Variants in GAREM1 observed in about 807,000 individuals in gnomAD.
GAREM1 encodes the protein GRB2-associated and regulator of MAPK protein 1.
A neutral mutation model predicts 71.3 loss-of-function variants in GAREM1; 26 were observed. The ratio of observed to expected loss-of-function variants is 0.36; its 90% CI spans 0.27 to 0.51. GAREM1 has a LOEUF of 0.51. GAREM1 is among the 20% of genes least tolerant of loss of function. GAREM1 has a pLI of 0.95. For missense variants in GAREM1, 1,026 were observed against 1,103.1 expected (o/e 0.93, Z 0.99); for synonymous variants, 440 against 433.2 (o/e 1.02, Z -0.20).
intron 1 of GAREM1, chr18:32,412,075 T>G (rs2048425118): frequency 1.4e-6 from 1 of 709,468 alleles, no homozygotes; most frequent in Non-Finnish European, 2.5e-6. Context: ...TACACATGAG[T>G]ATTTGTCTAA....
chr18:32,345,658 T>C (rs1015410148), intron 2 of GAREM1, among the ~76,000 whole-genome samples: 1 of 152,208 alleles, frequency 6.6e-6, no homozygotes, highest in East Asian at 1.9e-4. Flanking sequence ...CTTATTTGAC[T>C]CTTAGAATGA....
intron 2 of GAREM1, among the ~76,000 whole-genome samples, chr18:32,332,464 T>C (rs999174646): frequency 1.3e-5 from 2 of 152,088 alleles, no homozygotes; most frequent in Non-Finnish European, 2.9e-5. Flanking sequence ...AGTTAAGTGC[T>C]ACGGAAGGGT....
chr18:32,333,250 G>A (rs914956113), intron 2 of GAREM1, among the ~76,000 whole-genome samples: 1 of 151,928 alleles, frequency 6.6e-6, no homozygotes, highest in Non-Finnish European at 1.5e-5. Flanking sequence ...GAGTGGAGAG[G>A]GGGAGGGGGA....
intron 1 of GAREM1, among the ~76,000 whole-genome samples, chr18:32,469,857 G>A (rs1375807805): frequency 6.6e-6 from 1 of 152,150 alleles, no homozygotes; most frequent in Non-Finnish European, 1.5e-5. Context: ...TCACCCAGGA[G>A]CTTTTCCTTT....
intron 1 of GAREM1, among the ~76,000 whole-genome samples, chr18:32,465,608 T>C (rs567156837): frequency 7.4e-4 from 113 of 152,308 alleles, no homozygotes; most frequent in African/African-American, 2.7e-3. Flanking sequence ...CATGCAGCCT[T>C]GGTCTTCCTT....
chr18:32,316,238 T>C (rs1010878333), intron 2 of GAREM1, among the ~76,000 whole-genome samples: 4 of 152,228 alleles, frequency 2.6e-5, no homozygotes, highest in Non-Finnish European at 5.9e-5. Context: ...CTACAACTGT[T>C]AACATTTATG....
intron 2 of GAREM1, among the ~76,000 whole-genome samples, chr18:32,367,947 G>A (rs986473992): frequency 1.1e-4 from 16 of 152,098 alleles, no homozygotes; most frequent in African/African-American, 1.2e-4. Flanking sequence ...TGTTTGAGAC[G>A]TTCACTCCTA....
intron 2 of GAREM1, among the ~76,000 whole-genome samples, chr18:32,348,721 C>T (rs1385686581): frequency 6.6e-6 from 1 of 152,104 alleles, no homozygotes; most frequent in Non-Finnish European, 1.5e-5. Flanking sequence ...AATGAGACTC[C>T]ATCTCTAAAT....
chr18:32,422,179 C>A (rs938944987), intron 1 of GAREM1, among the ~76,000 whole-genome samples: 1 of 152,066 alleles, frequency 6.6e-6, no homozygotes, highest in African/African-American at 2.4e-5. Flanking sequence ...GTGATGTTCC[C>A]CTTCCTGTGT....
chr18:32,400,875 A>G lies in GAREM1; in HGVS notation c.122-7840T>C, dbSNP rs544609865. Among the ~76,000 whole-genome samples, 3 of 152,258 alleles carry G rather than the reference A, an allele frequency of 2.0e-5. No individual in the cohort carries two copies. In the South Asian group the frequency reaches 6.2e-4, roughly 32 times the overall value. On this transcript the variant is annotated intron_variant, in intron 1 of 5. Transcript: ENST00000269209. ...TGCTGCTGTAAAGACACATGTACAC[A>G]TATGTTTATTGTGGCACTATTCACA...
intron 2 of GAREM1, among the ~76,000 whole-genome samples, chr18:32,371,153 G>A (rs1014658948): frequency 6.6e-6 from 1 of 152,036 alleles, no homozygotes; most frequent in East Asian, 1.9e-4. Flanking sequence ...GGAAGGACGT[G>A]GAGGTGACAT....
At chr18:32,458,655 A>T (rs1337601826) in intron 1 of GAREM1, among the ~76,000 whole-genome samples, 1 of 151,966 alleles carries the variant, frequency 6.6e-6, no homozygotes, top group East Asian at 1.9e-4. Context: ...TGAAAAAAAA[A>T]CTCTACCAAA....
intron 1 of GAREM1, among the ~76,000 whole-genome samples, chr18:32,444,128 G>A (rs1451952518): frequency 6.6e-6 from 1 of 151,932 alleles, no homozygotes; most frequent in African/African-American, 2.4e-5. Flanking sequence ...AAGGAATGAG[G>A]TGACTGCAAA....
intron 2 of GAREM1, among the ~76,000 whole-genome samples, chr18:32,377,711 A>G (rs2048045439): frequency 6.6e-6 from 1 of 152,060 alleles, no homozygotes; most frequent in Non-Finnish European, 1.5e-5. Context: ...CTACAGGCGC[A>G]TGCCACCACA....
intron 2 of GAREM1, among the ~76,000 whole-genome samples, chr18:32,311,506 G>A (rs917242203): frequency 6.6e-6 from 1 of 152,232 alleles, no homozygotes; most frequent in Admixed American, 6.5e-5. Flanking sequence ...CATGGTAGAA[G>A]GTGAGAAATG....
rs565189011 is a variant in GAREM1 at position 32,382,534 on chromosome 18, C to T, written c.262+10361G>A. 3.9e-5 allele frequency among the ~76,000 whole-genome samples: 6 copies of T among 152,204 alleles called. No individual in the cohort carries two copies. In the East Asian group the frequency reaches 1.2e-3, roughly 29 times the overall value. On this transcript the variant is annotated intron_variant, in intron 2 of 5. Coordinates refer to ENST00000269209, the MANE Select transcript of GAREM1 (RefSeq NM_001242409.2). ...CTGGGTTGTCTGCTGGAGGATGATG[C>T]TTGTAGTCAAAGGAACACCAGACCT...
chr18:32,444,947 T>C (rs755810700), intron 1 of GAREM1, among the ~76,000 whole-genome samples: 1 of 152,300 alleles, frequency 6.6e-6, no homozygotes, highest in South Asian at 2.1e-4. Flanking sequence ...AGACTCAGCA[T>C]AGGCAATACT....
At chr18:32,441,254 AT>A (rs1345609633) in intron 1 of GAREM1, among the ~76,000 whole-genome samples, 1 of 151,864 alleles carries the variant, frequency 6.6e-6, no homozygotes, top group Non-Finnish European at 1.5e-5. Context: ...ATACTTAACA[AT>A]TTTTTTTAAA....
chr18:32,329,424 C>A (rs1175485268), intron 2 of GAREM1, among the ~76,000 whole-genome samples: 2 of 151,372 alleles, frequency 1.3e-5, no homozygotes, highest in Non-Finnish European at 2.9e-5. Context: ...GATTGAAAAA[C>A]TGGCTGGGTG....
Sources: allele counts gnomAD v4.1 joint callset (sites outside exome capture counted in the v4.1 genomes callset), GRCh38; gene constraint gnomAD v4.1.1; transcripts MANE v1.5; gene names NCBI Gene and HGNC (gene_info 2026-07-23, HGNC 2026-07-21).